The following BARX2 variants were observed in gnomAD, a reference collection of about 807,000 sequenced individuals.
The protein encoded by BARX2 is homeobox protein BarH-like 2.
Under a neutral mutation model 25.5 loss-of-function variants are expected in BARX2, and 11 were observed. The ratio of observed to expected loss-of-function variants is 0.43; its 90% CI spans 0.27 to 0.71. BARX2 has a LOEUF of 0.71. Among genes scored for constraint, BARX2 ranks in the 30% least tolerant of loss-of-function variants. BARX2 has a pLI of 0.19. For missense variants in BARX2, 360 were observed against 359.9 expected (o/e 1.00, Z 0.00); for synonymous variants, 137 against 149.5 (o/e 0.92, Z 0.61).
At position 129,390,410 on chromosome 11, in the gene BARX2, G is replaced by A. The variant is rs1861655360; in HGVS notation, c.187+14188G>A. Among the ~76,000 whole-genome samples the A allele has an allele frequency of 2.0e-5, 3 of 152,148 alleles. No individual in the cohort carries two copies. Among genetic ancestry groups the A allele is most frequent in the Admixed American group, 6.5e-5 (1 of 15,288 alleles). Reference sequence around the variant, plus strand: ...TCTGAATTGTTGAAAATAGGACTCAGTCAGAGACATGGATCGTTGGCATCT... The same window carrying A: ...TCTGAATTGTTGAAAATAGGACTCAATCAGAGACATGGATCGTTGGCATCT... On this transcript the variant is annotated intron_variant, in intron 1 of 3. Transcript: ENST00000281437. The surrounding 1 kb of genome is among the most constrained non-coding windows in gnomAD (Gnocchi z 4.3).
At chr11:129,399,519 C>T (rs1036979739) in intron 1 of BARX2, among the ~76,000 whole-genome samples, 2 of 152,068 alleles carry the variant, frequency 1.3e-5, no homozygotes, top group African/African-American at 4.8e-5. Flanking sequence ...ACAGGTGAGC[C>T]CCAGAATTGG....
chr11:129,436,935 A>C lies in BARX2; in HGVS notation c.372A>C (p.Glu124Asp), dbSNP rs1254690326. The stretch of plus-strand genomic sequence containing the variant: ...TAGCCAGCAGCGAGTCAGAGACGGA[A>C]CAGCCCACGCCCCGACAGAAGAAGC... The part of the protein sequence containing the change: ...EALASSESET[E>D]QPTPRQKKPR... Residue 124 changes from glutamate to aspartate, a missense_variant, in exon 2 of 4, where the codon GAA becomes GAC. By Grantham distance (45) the Glu-to-Asp change is conservative. Coordinates refer to ENST00000281437, the MANE Select transcript of BARX2 (RefSeq NM_003658.5). The surrounding 1 kb of genome is among the most constrained non-coding windows in gnomAD (Gnocchi z 4.5). 1 of 1,613,812 alleles carries C rather than the reference A, an allele frequency of 6.2e-7. No individual in the cohort carries two copies. The highest frequency in any genetic ancestry group is 1.1e-5 in the South Asian group (1 of 91,002).
intron 1 of BARX2, among the ~76,000 whole-genome samples, chr11:129,422,812 T>C (rs1317745911): frequency 2.0e-5 from 3 of 151,862 alleles, no homozygotes; most frequent in African/African-American, 7.3e-5. Context: ...CAAGTGATTC[T>C]CCTGCCTCAG....
chr11:129,445,340 CT>C lies in BARX2; in HGVS notation c.573+2425del, dbSNP rs1160900118. 2.0e-5 allele frequency among the ~76,000 whole-genome samples: 3 copies of C among 152,344 alleles called. No homozygotes were observed. The East Asian group carries it at 5.8e-4, about 29-fold the overall frequency. ...ATTGTTTAAATTGGTTATCAGCAAT[CT>C]TTTCGTGAGTCAGATGATTAAGGAA... On this transcript the variant is annotated intron_variant, in intron 3 of 3. Coordinates refer to ENST00000281437, the MANE Select transcript of BARX2 (RefSeq NM_003658.5).
At chr11:129,391,489 G>C (rs1014053342) in intron 1 of BARX2, among the ~76,000 whole-genome samples, 1 of 152,144 alleles carries the variant, frequency 6.6e-6, no homozygotes, top group African/African-American at 2.4e-5. Context: ...CCTTCCACTA[G>C]ACTGTTGGAA....
chr11:129,378,394 G>A (rs988608053), intron 1 of BARX2, among the ~76,000 whole-genome samples: 3 of 152,036 alleles, frequency 2.0e-5, no homozygotes, highest in African/African-American at 7.2e-5. Context: ...CTTCTCAGGG[G>A]TTTTGCAAAT....
At chr11:129,409,495 A>G (rs1861865969) in intron 1 of BARX2, among the ~76,000 whole-genome samples, 2 of 151,272 alleles carry the variant, frequency 1.3e-5, no homozygotes, top group Admixed American at 1.3e-4. Context: ...CTCTTTTATG[A>G]AACAGGAACA....
chr11:129,435,289 T>C (rs748687005), intron 1 of BARX2, among the ~76,000 whole-genome samples: 5 of 152,078 alleles, frequency 3.3e-5, no homozygotes, highest in African/African-American at 1.2e-4. Context: ...TTGTAGCAAG[T>C]GGTGATTTAT....
intron 2 of BARX2, among the ~76,000 whole-genome samples, chr11:129,441,286 C>T (rs1274481879): frequency 1.3e-5 from 2 of 152,082 alleles, no homozygotes; most frequent in African/African-American, 2.4e-5. Context: ...GGTCAGACAT[C>T]GTGGGTTTGA....
chr11:129,449,051 G>T (rs1356598994), intron 3 of BARX2, among the ~76,000 whole-genome samples: 1 of 152,134 alleles, frequency 6.6e-6, no homozygotes, highest in Non-Finnish European at 1.5e-5. Context: ...TAGGGGCTGG[G>T]GGAAAATAGG....
rs115901326 is a variant in BARX2, at chr11:129,399,947, A to G, written c.187+23725A>G. Among the ~76,000 whole-genome samples the G allele has an allele frequency of 9.0e-3, 1,364 of 152,018 alleles. 22 individuals carry two copies. Among genetic ancestry groups the G allele is most frequent in the African/African-American group, 0.031 (1,301 of 41,440 alleles). On this transcript the variant is annotated intron_variant, in intron 1 of 3. Transcript: ENST00000281437. Reference sequence around the variant, plus strand: ...AGTCCTCAACTTGGTCTGATGTCCAACTTCCACCTGTGGTGTCTGAGCCCT... The same window carrying G: ...AGTCCTCAACTTGGTCTGATGTCCAGCTTCCACCTGTGGTGTCTGAGCCCT...
At chr11:129,450,607 G>C (rs187501178) in intron 3 of BARX2, among the ~76,000 whole-genome samples, 48 of 152,226 alleles carry the variant, frequency 3.2e-4, no homozygotes, top group Non-Finnish European at 5.4e-4. Flanking sequence ...AACCAATATT[G>C]TGATGAATAT....
Position 129,411,265 on chromosome 11 carries a change from G to A in BARX2, c.188-25486G>A, listed in dbSNP as rs377006203. Among the ~76,000 whole-genome samples, 48 of 152,038 alleles carry A rather than the reference G, an allele frequency of 3.2e-4. No homozygotes were observed. In the East Asian group the frequency reaches 5.0e-3, roughly 16 times the overall value. Reference sequence around the variant, plus strand: ...AGATGCCTGTAGTCCCAGCTACTCGGGAGGCTGAGGCAGGAGAATGGCGTG... The same window carrying A: ...AGATGCCTGTAGTCCCAGCTACTCGAGAGGCTGAGGCAGGAGAATGGCGTG... On this transcript the variant is annotated intron_variant, in intron 1 of 3. Transcript: ENST00000281437.
At chr11:129,419,807 G>T (rs970474190) in intron 1 of BARX2, among the ~76,000 whole-genome samples, 1 of 151,954 alleles carries the variant, frequency 6.6e-6, no homozygotes, top group East Asian at 1.9e-4. Flanking sequence ...TTGAGATGGA[G>T]TCTCACTCTG....
At chr11:129,404,928 A>C (rs1861815450) in intron 1 of BARX2, among the ~76,000 whole-genome samples, 1 of 152,256 alleles carries the variant, frequency 6.6e-6, no homozygotes. Context: ...GAGGACAAAA[A>C]TAAACATAGA....
chr11:129,385,333 G>A (rs746577868), intron 1 of BARX2, among the ~76,000 whole-genome samples: 73 of 152,114 alleles, frequency 4.8e-4, no homozygotes, highest in Non-Finnish European at 5.4e-4. Context: ...AGTGTAAAAG[G>A]ATACCTGTAA....
intron 1 of BARX2, among the ~76,000 whole-genome samples, chr11:129,402,662 A>ATT (rs1280090709): frequency 3.9e-5 from 6 of 152,224 alleles, no homozygotes; most frequent in African/African-American, 1.4e-4. Flanking sequence ...ACTATTTTGT[A>ATT]AATACTGGGG....
intron 1 of BARX2, among the ~76,000 whole-genome samples, chr11:129,384,082 C>T (rs911935726): frequency 3.9e-5 from 6 of 152,106 alleles, no homozygotes; most frequent in African/African-American, 1.4e-4. Flanking sequence ...CCATGTTGGC[C>T]AGGCTGGTCT....
At chr11:129,438,018 G>A (rs1461890497) in intron 2 of BARX2, 1 of 134,750 alleles carries the variant, frequency 7.4e-6, no homozygotes, top group Non-Finnish European at 1.6e-5. Flanking sequence ...GCGAGACCCT[G>A]TCTCCTTAAA....
Sources: allele counts gnomAD v4.1 joint callset (sites outside exome capture counted in the v4.1 genomes callset), GRCh38; gene constraint gnomAD v4.1.1; non-coding constraint Gnocchi (gnomAD v3.1); transcripts MANE v1.5; gene names NCBI Gene and HGNC (gene_info 2026-07-23, HGNC 2026-07-21).